The following PDE1C variants were observed in gnomAD, a reference collection of about 807,000 sequenced individuals.
The protein encoded by PDE1C is dual specificity calcium/calmodulin-dependent 3',5'-cyclic nucleotide phosphodiesterase 1C.
Under a neutral mutation model 93.1 loss-of-function variants are expected in PDE1C, and 62 were observed. The ratio of observed to expected loss-of-function variants is 0.67; its 90% CI spans 0.54 to 0.82. The LOEUF is 0.82. PDE1C is among the 40% of genes least tolerant of loss of function. The probability of loss-of-function intolerance (pLI) is 0.00; values close to 1 mark genes in which losing one functional copy is unlikely to be tolerated. For missense variants in PDE1C, 742 were observed against 884.6 expected (o/e 0.84, Z 2.04); for synonymous variants, 325 against 310.1 (o/e 1.05, Z -0.50).
chr7:32,183,382 G>A (rs186442218), intron 2 of PDE1C, among the ~76,000 whole-genome samples: 17,884 of 152,076 alleles, frequency 0.12, 1,205 homozygotes, highest in South Asian at 0.19. Context: ...GAGGCATCAC[G>A]CTACCTGACT....
At chr7:32,064,850 C>T (rs1017935945) in intron 1 of PDE1C, among the ~76,000 whole-genome samples, 1 of 152,054 alleles carries the variant, frequency 6.6e-6, no homozygotes, top group Non-Finnish European at 1.5e-5. Flanking sequence ...TATCACTACC[C>T]AGCCTCTGCC....
intron 2 of PDE1C, among the ~76,000 whole-genome samples, chr7:31,899,234 G>T (rs1799681188): frequency 6.8e-6 from 1 of 146,966 alleles, no homozygotes; most frequent in South Asian, 2.2e-4. Flanking sequence ...CGCCTACCTG[G>T]TTCACACCAT....
At chr7:32,258,800 G>T (rs1309873002) in intron 1 of PDE1C, among the ~76,000 whole-genome samples, 1 of 152,148 alleles carries the variant, frequency 6.6e-6, no homozygotes, top group Non-Finnish European at 1.5e-5. Context: ...TTACCCAAGG[G>T]TATCTTTCTT....
intron 2 of PDE1C, among the ~76,000 whole-genome samples, chr7:31,966,371 C>T (rs939966043): frequency 6.6e-6 from 1 of 152,168 alleles, no homozygotes; most frequent in African/African-American, 2.4e-5. Context: ...AAGGCCATTA[C>T]ATAATGGTAA....
intron 2 of PDE1C, among the ~76,000 whole-genome samples, chr7:31,908,370 A>C (rs140345050): frequency 6.6e-6 from 1 of 152,158 alleles, no homozygotes; most frequent in Non-Finnish European, 1.5e-5. Flanking sequence ...AAAGTTCACT[A>C]TCTGTCTGGG....
intron 12 of PDE1C, 27 bp from the exon 13 acceptor site, chr7:31,825,014 G>A (rs1398023346): frequency 1.2e-6 from 2 of 1,612,660 alleles, no homozygotes; most frequent in South Asian, 1.1e-5. Context: ...ATGCTTCAGA[G>A]GAACCACATA....
chr7:31,904,150 C>G (rs1164584163), intron 2 of PDE1C, among the ~76,000 whole-genome samples: 1 of 152,000 alleles, frequency 6.6e-6, no homozygotes, highest in Non-Finnish European at 1.5e-5. Flanking sequence ...ACAGAGAGTG[C>G]TATATGCAGC....
chr7:31,849,001 G>C (rs1212120687), intron 8 of PDE1C, among the ~76,000 whole-genome samples: 1 of 152,204 alleles, frequency 6.6e-6, no homozygotes, highest in Non-Finnish European at 1.5e-5. Flanking sequence ...CAGGCTGAGA[G>C]GCTTTGGATA....
intron 2 of PDE1C, among the ~76,000 whole-genome samples, chr7:31,985,787 A>G (rs1269681609): frequency 6.6e-6 from 1 of 152,126 alleles, no homozygotes; most frequent in Non-Finnish European, 1.5e-5. Flanking sequence ...TCCATGGTGT[A>G]TGTGTGTCAC....
At chr7:32,393,308 A>T (rs1202728922) in intron 1 of PDE1C, among the ~76,000 whole-genome samples, 2 of 152,174 alleles carry the variant, frequency 1.3e-5, no homozygotes, top group Non-Finnish European at 2.9e-5. Flanking sequence ...GAAAGGAAAA[A>T]GTAAAGCTGT....
At chr7:31,980,408 G>A (rs1812231792) in intron 2 of PDE1C, among the ~76,000 whole-genome samples, 1 of 152,154 alleles carries the variant, frequency 6.6e-6, no homozygotes, top group African/African-American at 2.4e-5. Flanking sequence ...TTTGATAAAA[G>A]TACTTTGGAT....
At chr7:32,373,205 A>G (rs901755763) in intron 1 of PDE1C, among the ~76,000 whole-genome samples, 1 of 152,252 alleles carries the variant, frequency 6.6e-6, no homozygotes, top group African/African-American at 2.4e-5. Flanking sequence ...AGTGAAAACA[A>G]CCAAAATGTC....
At chr7:31,754,572 C>G (rs542420523) in intron 17 of PDE1C, among the ~76,000 whole-genome samples, 35 of 152,248 alleles carry the variant, frequency 2.3e-4, no homozygotes, top group Admixed American at 2.2e-3. Flanking sequence ...AGCAAATTAA[C>G]TATCAAGCTA....
chr7:32,298,639 G>C (rs112322538), intron 1 of PDE1C: 3 of 1,598,074 alleles, frequency 1.9e-6, no homozygotes, highest in Middle Eastern at 1.7e-4. Context: ...GAGAGGGGTG[G>C]AAAGTTCTCA....
the PDE1C span, chr7:31,642,996 G>A: frequency 6.2e-7 from 1 of 1,614,002 alleles, no homozygotes; most frequent in African/African-American, 1.3e-5. Flanking sequence ...ATCTGTGGCA[G>A]CTTCTGCCAA....
chr7:31,757,524 G>T (rs1048243722), intron 17 of PDE1C, among the ~76,000 whole-genome samples: 38 of 152,272 alleles, frequency 2.5e-4, no homozygotes, highest in Middle Eastern at 6.8e-3. Flanking sequence ...CCATAGCTGA[G>T]TACACTTTTC....
chr7:31,758,961 C>A (rs1794658201), intron 17 of PDE1C, among the ~76,000 whole-genome samples: 1 of 152,184 alleles, frequency 6.6e-6, no homozygotes, highest in Non-Finnish European at 1.5e-5. Flanking sequence ...TTTCCCACTT[C>A]TCAGCATGAA....
chr7:31,765,174 G>A (rs1488891921), intron 17 of PDE1C, among the ~76,000 whole-genome samples: 1 of 152,118 alleles, frequency 6.6e-6, no homozygotes, highest in East Asian at 1.9e-4. Flanking sequence ...GGTGAAAGGG[G>A]AGGAGCAATT....
At chr7:32,389,436 C>A (rs916579901) in intron 1 of PDE1C, among the ~76,000 whole-genome samples, 1 of 152,168 alleles carries the variant, frequency 6.6e-6, no homozygotes, top group African/African-American at 2.4e-5. Context: ...AGGCTGGTTT[C>A]GAACTCCTGA....
Sources: gnomAD v4.1 joint callset for allele counts (sites outside exome capture counted in the v4.1 genomes callset) on GRCh38, gnomAD v4.1.1 for gene constraint, MANE v1.5 for transcripts, NCBI Gene and HGNC (gene_info 2026-07-23, HGNC 2026-07-21) for gene names.